UGT1A6: variants seen among roughly 807,000 people sequenced by gnomAD.
UGT1A6 encodes the protein UDP-glucuronosyltransferase 1A6.
Under a neutral mutation model 44.4 loss-of-function variants are expected in UGT1A6, and 32 were observed. That is an observed-to-expected ratio of 0.72 (90% confidence interval 0.54 to 0.97). The LOEUF is 0.97. Ranked by LOEUF, UGT1A6 falls within the 50% of genes least tolerant of loss-of-function variation. The probability of loss-of-function intolerance (pLI) is 0.00; values close to 1 mark genes in which losing one functional copy is unlikely to be tolerated. For synonymous variants in UGT1A6, 238 were observed against 248.5 expected (o/e 0.96, Z 0.40); for missense variants, 685 against 661.9 (o/e 1.03, Z -0.38).
intron 1 of UGT1A6, among the ~76,000 whole-genome samples, chr2:233,705,497 C>T (rs746321750): frequency 9.9e-5 from 15 of 151,954 alleles, no homozygotes; most frequent in Non-Finnish European, 2.1e-4. Flanking sequence ...TAATAAATAC[C>T]TTTTTAAGAA....
At chr2:233,760,250 G>T in intron 1 of UGT1A6, 1 of 1,601,220 alleles carries the variant, frequency 6.2e-7, no homozygotes. Context: ...ATATATATAA[G>T]TAGGAGAGGG....
At position 233,693,254 on chromosome 2, in the gene UGT1A6, C is replaced by A; in HGVS notation, c.250C>A (p.Gln84Lys). The A allele has an allele frequency of 6.2e-7, 1 of 1,614,058 alleles. No homozygotes were observed. The highest frequency in any genetic ancestry group is 1.3e-5 in the African/African-American group (1 of 75,028). The change falls in exon 1 of 5, where the codon CAA becomes AAA. Residue 84 changes from glutamine (Q) to lysine (K), a missense_variant. Gln to Lys is a moderately conservative substitution (Grantham distance 53). Coordinates refer to ENST00000305139, the MANE Select transcript of UGT1A6 (RefSeq NM_001072.4). ...AAAAATCTATCCAGTGCCGTATGAC[C>A]AAGAAGAGCTGAAGAACCGTTACCA... ...TRKIYPVPYD[Q>K]EELKNRYQSF...
In UGT1A6 at chr2:233,740,517, A is replaced by G. The variant is rs139363796; in HGVS notation, c.862-26517A>G. On this transcript the variant is annotated intron_variant, in intron 1 of 4. Transcript: ENST00000305139. ...CTTTCCAGTGTGTGATGTAAGCTGA[A>G]CTAAAATCAGCTGTGTTGAACTCCA... 1.6e-4 allele frequency among the ~76,000 whole-genome samples: 25 copies of G among 152,030 alleles called. No individual in the cohort carries two copies. The East Asian group carries it at 4.2e-3, about 26-fold the overall frequency.
intron 4 of UGT1A6, among the ~76,000 whole-genome samples, chr2:233,768,799 G>A (rs1295681406): frequency 1.3e-5 from 2 of 151,984 alleles, no homozygotes; most frequent in East Asian, 3.9e-4. Flanking sequence ...TGTCAGGCTG[G>A]TCTTGAACTC....
Position 233,772,408 on chromosome 2 carries a change from A to T in UGT1A6, c.1448A>T (p.Tyr483Phe). The T allele has an allele frequency of 6.2e-7, 1 of 1,614,210 alleles. No homozygotes were observed. Among genetic ancestry groups the T allele is most frequent in the Middle Eastern group, 1.6e-4 (1 of 6,062 alleles). ...CCCGCAGCCCACGACCTCACCTGGT[A>T]CCAGTACCATTCCTTGGACGTGATT... ...LRPAAHDLTW[Y>F]QYHSLDVIGF... Residue 483 changes from tyrosine to phenylalanine, a missense_variant, in exon 5 of 5, where the codon TAC (tyrosine) becomes TTC (phenylalanine). Transcript: ENST00000305139.
rs562366711 is a variant in UGT1A6 at position 233,731,551 on chromosome 2, T to C, written c.862-35483T>C. On this transcript the variant is annotated intron_variant, in intron 1 of 4. Transcript: ENST00000305139. The stretch of plus-strand genomic sequence containing the variant: ...CATGCGGTGTTTGGTTTTCTGTCCA[T>C]GTGATAGTTTGCTGAGAATGATGGT... 4.6e-5 allele frequency among the ~76,000 whole-genome samples: 7 copies of C among 152,330 alleles called. 1 individual carries two copies. In the East Asian group the frequency reaches 1.4e-3, roughly 29 times the overall value.
chr2:233,710,556 C>A (rs943295529), intron 1 of UGT1A6, among the ~76,000 whole-genome samples: 25 of 152,110 alleles, frequency 1.6e-4, no homozygotes, highest in African/African-American at 6.0e-4. Context: ...TGCCTGTTTT[C>A]TTTTAAAAGG....
At chr2:233,766,928 C>A in intron 1 of UGT1A6, 106 bp from the exon 2 acceptor site, 12 of 1,578,030 alleles carry the variant, frequency 7.6e-6, no homozygotes, top group Non-Finnish European at 9.4e-6. Context: ...ACACGCATGC[C>A]TTTAATCATA....
intron 1 of UGT1A6, chr2:233,717,847 A>G (rs1429786450): frequency 2.2e-6 from 1 of 455,006 alleles, no homozygotes; most frequent in Non-Finnish European, 4.4e-6. Flanking sequence ...CATTCTTATC[A>G]GAACTTGGTG....
At chr2:233,756,656 A>G (rs934932092) in intron 1 of UGT1A6, among the ~76,000 whole-genome samples, 3 of 152,202 alleles carry the variant, frequency 2.0e-5, no homozygotes, top group Non-Finnish European at 4.4e-5. Flanking sequence ...CATGGGATGC[A>G]GTGATTATTT....
Position 233,693,162 on chromosome 2 carries a change from GT to G in UGT1A6, c.159del (p.His54MetfsTer4), listed in dbSNP as rs1559345986. The G allele has an allele frequency of 1.5e-5, 24 of 1,614,206 alleles. No individual in the cohort carries two copies. In the Middle Eastern group the frequency reaches 2.8e-3, roughly 189 times the overall value. On this transcript the variant is annotated frameshift_variant, in exon 1 of 5. Coordinates refer to ENST00000305139, the MANE Select transcript of UGT1A6 (RefSeq NM_001072.4). LOFTEE classifies it high-confidence loss of function. ...KDIVEVLSDR[G>X]HEIVVVVPEV... ...ATAGTTGAGGTTCTCAGTGACCGGGGTCATGAGATTGTAGTGGTGGTGCCTG... is the reference window on the plus strand; with the variant it reads ...ATAGTTGAGGTTCTCAGTGACCGGGGCATGAGATTGTAGTGGTGGTGCCTG...
At chr2:233,730,016 A>C in intron 1 of UGT1A6, 1 of 1,613,836 alleles carries the variant, frequency 6.2e-7, no homozygotes. Context: ...GCCTTCATCC[A>C]ATCAATGTTC....
intron 1 of UGT1A6, among the ~76,000 whole-genome samples, chr2:233,701,759 A>C (rs1211799362): frequency 5.3e-5 from 8 of 152,238 alleles, no homozygotes; most frequent in African/African-American, 1.9e-4. Flanking sequence ...GTACATAACG[A>C]AATGAAGGCA....
At position 233,772,646 on chromosome 2, in the gene UGT1A6, A is replaced by C; in HGVS notation, c.*87A>C. 6.5e-7 allele frequency: 1 copy of C among 1,549,870 alleles called. No homozygotes were observed. The highest frequency in any genetic ancestry group is 8.7e-7 in the Non-Finnish European group (1 of 1,147,250). ...ACAGAATCAGTGTTAAATTCATTTT[A>C]TTCTTATTAAGGAAATACTTTGCAT... On this transcript the variant is annotated 3_prime_UTR_variant, in exon 5 of 5. Coordinates refer to ENST00000305139, the MANE Select transcript of UGT1A6 (RefSeq NM_001072.4).
chr2:233,758,598 G>T (rs1696919862), intron 1 of UGT1A6, among the ~76,000 whole-genome samples: 1 of 152,158 alleles, frequency 6.6e-6, no homozygotes, highest in Admixed American at 6.5e-5. Flanking sequence ...GTGGGGAGGA[G>T]CTTCAGTGTG....
intron 1 of UGT1A6, among the ~76,000 whole-genome samples, chr2:233,696,716 ACAGTTTT>A (rs1306894731): frequency 7.2e-5 from 11 of 152,138 alleles, no homozygotes; most frequent in Admixed American, 2.6e-4. Context: ...TTTTAGAGGA[ACAGTTTT>A]CAGTTTTACC....
At chr2:233,729,097 G>A in intron 1 of UGT1A6, 5 of 1,612,664 alleles carry the variant, frequency 3.1e-6, no homozygotes, top group Non-Finnish European at 4.2e-6. Flanking sequence ...GCGTGGGGTG[G>A]ACAGTCAGCT....
At chr2:233,729,765 C>T in intron 1 of UGT1A6, 2 of 1,613,978 alleles carry the variant, frequency 1.2e-6, no homozygotes, top group Admixed American at 1.7e-5. Flanking sequence ...GGGTCAAGAA[C>T]ATGCTCTACC....
At chr2:233,745,275 A>G (rs1321529311) in intron 1 of UGT1A6, among the ~76,000 whole-genome samples, 1 of 151,868 alleles carries the variant, frequency 6.6e-6, no homozygotes, top group East Asian at 1.9e-4. Flanking sequence ...GGCCGTGTGT[A>G]TAGCACTGGG....
Sources: allele counts gnomAD v4.1 joint callset (sites outside exome capture counted in the v4.1 genomes callset), GRCh38; gene constraint gnomAD v4.1.1; transcripts MANE v1.5; gene names NCBI Gene and HGNC (gene_info 2026-07-23, HGNC 2026-07-21).